Variants in PRKCZ observed in about 807,000 individuals in gnomAD.
PRKCZ encodes the protein protein kinase C zeta type.
Under a neutral mutation model 79.5 loss-of-function variants are expected in PRKCZ, and 33 were observed. The ratio of observed to expected loss-of-function variants is 0.41; its 90% confidence interval spans 0.31 to 0.55. PRKCZ has a LOEUF of 0.55. PRKCZ is among the 20% of genes least tolerant of loss of function. PRKCZ has a pLI of 0.19. For synonymous variants in PRKCZ, 342 were observed against 320.9 expected, an observed-to-expected ratio of 1.07 and a Z score of -0.70; for missense variants, 578 against 813.5, an observed-to-expected ratio of 0.71 and a Z score of 3.52.
At chr1:2,182,762 CA>C (rs1202532925) in intron 16 of PRKCZ, 6 of 154,498 alleles carry the variant, frequency 3.9e-5, no homozygotes, top group Non-Finnish European at 8.8e-5. Flanking sequence ...AGCTGGATTT[CA>C]GTGTTGGTAC....
chr1:2,050,690 G>A lies in PRKCZ; in HGVS notation c.60G>A (p.Ala20=). The change falls in exon 1 of 18, where the codon GCG becomes GCA. Residue 20 remains alanine, a synonymous_variant. Transcript: ENST00000378567. ...GCGGCGGCCGCGTCCGCCTCAAGGC[G>A]CATTACGGGGGGTGAGCGGCGGAGA... ...EGSGGRVRLK[A]HYGGDIFITS... is the part of the protein sequence containing the mutation. 1 of 1,226,232 alleles carries A rather than the reference G, an allele frequency of 8.2e-7. No homozygotes were observed. The highest frequency in any genetic ancestry group is 3.2e-5 in the East Asian group (1 of 31,512). The allele number at this position is 1,226,232 out of a possible 1,614,324, so 76.0% of individuals were successfully genotyped here. A position where few individuals can be genotyped will look rare whatever the true frequency, so the allele number is the denominator to read the frequency against.
intron 7 of PRKCZ, among the ~76,000 whole-genome samples, chr1:2,148,037 A>G (rs431995): frequency 8.3e-4 from 124 of 149,536 alleles, no homozygotes; most frequent in African/African-American, 2.8e-3. Context: ...CTCTCCATCT[A>G]TCCATCCACT....
At position 2,168,449 on chromosome 1, in the gene PRKCZ, C is replaced by G. The variant is rs1409678618; in HGVS notation, c.975-1069C>G. Among the ~76,000 whole-genome samples, 1 of 152,212 alleles carries G rather than the reference C, an allele frequency of 6.6e-6. No individual in the cohort carries two copies. The highest frequency in any genetic ancestry group is 2.4e-5 in the African/African-American group (1 of 41,434). On this transcript the variant is annotated intron_variant, in intron 10 of 17. Transcript: ENST00000378567. This position sits in a 1 kb window ranked among gnomAD's most constrained non-coding sequence, Gnocchi z 4.7. ...CTTATTCTTCAGGGTGCCCGACTGG[C>G]CACGTGGACGTCTCTCCAGCTCCTC... is the stretch of plus-strand genomic sequence containing the variant.
intron 5 of PRKCZ, chr1:2,143,854 G>A: frequency 4.8e-6 from 1 of 208,840 alleles, no homozygotes; most frequent in Non-Finnish European, 9.9e-6. Context: ...ACCCCAGGCT[G>A]CTCTACGCAG....
At chr1:2,181,489 G>A (rs547723625) in intron 16 of PRKCZ, among the ~76,000 whole-genome samples, 3 of 152,318 alleles carry the variant, frequency 2.0e-5, no homozygotes, top group East Asian at 1.9e-4. Context: ...AGGCCAGGAC[G>A]TCCATGGGTT....
rs1194578567 is a variant in PRKCZ, at chr1:2,178,177, C to G, written c.1575+2864C>G. 6.6e-6 allele frequency among the ~76,000 whole-genome samples: 1 copy of G among 152,206 alleles called. No homozygotes were observed. The highest frequency in any genetic ancestry group is 6.5e-5 in the Admixed American group (1 of 15,284). On this transcript the variant is annotated intron_variant, in intron 16 of 17. Transcript: ENST00000378567. The surrounding 1 kb of genome is among the most constrained non-coding windows in gnomAD (Gnocchi z 4.3). ...TCGCGATCACTTTCATCACCCTGTACCCAGAGAAGACCCGAACCCACTCCA... is the reference window on the plus strand; with the variant it reads ...TCGCGATCACTTTCATCACCCTGTAGCCAGAGAAGACCCGAACCCACTCCA...
intron 4 of PRKCZ, among the ~76,000 whole-genome samples, chr1:2,069,442 A>T (rs1366219699): frequency 6.6e-6 from 1 of 152,174 alleles, no homozygotes; most frequent in Non-Finnish European, 1.5e-5. Flanking sequence ...CGTTGCCATT[A>T]CCTTGAGCAA....
chr1:2,173,960 C>T lies in PRKCZ; in HGVS notation c.1349C>T (p.Pro450Leu). 1 of 1,612,750 alleles carries T rather than the reference C, an allele frequency of 6.2e-7. No homozygotes were observed. Among genetic ancestry groups the T allele is most frequent in the Non-Finnish European group, 8.5e-7 (1 of 1,179,462 alleles). ...LMFEMMAGRS[P>L]FDIITDNPDM... ...TTTGAGATGATGGCCGGGCGCTCCC[C>T]GTTCGACATCATCACCGACAACCCG... Residue 450 changes from proline (P) to leucine (L), a missense_variant, in exon 14 of 18, where the codon CCG becomes CTG. Around this residue, in one of 4 missense-constraint regions of PRKCZ, gnomAD observed 243 missense variants for 467.0 expected, o/e 0.52. Transcript: ENST00000378567. The surrounding 1 kb of genome is among the most constrained non-coding windows in gnomAD (Gnocchi z 5.7).
chr1:2,163,315 A>G (rs527543480), intron 10 of PRKCZ, among the ~76,000 whole-genome samples: 287 of 152,330 alleles, frequency 1.9e-3, no homozygotes, highest in African/African-American at 6.6e-3. Context: ...GCAGCCGTGG[A>G]ACTGGGTTCT....
intron 5 of PRKCZ, among the ~76,000 whole-genome samples, chr1:2,140,329 G>C (rs1677060592): frequency 6.6e-6 from 1 of 152,174 alleles, no homozygotes; most frequent in African/African-American, 2.4e-5. Context: ...GGGTGTGACA[G>C]GTCTAAAACA....
chr1:2,174,143 C>T lies in PRKCZ; in HGVS notation c.1405+127C>T. On this transcript the variant is annotated intron_variant, in intron 14 of 17. Transcript: ENST00000378567. The surrounding 1 kb of genome is among the most constrained non-coding windows in gnomAD (Gnocchi z 6.2). ...GTGCCATGCAAAGCGTACCGGGAAC[C>T]ATTCCTCCTGGCCAGACCCTGTGTC... 2.4e-6 allele frequency: 3 copies of T among 1,272,354 alleles called. No homozygotes were observed. Among genetic ancestry groups the T allele is most frequent in the Non-Finnish European group, 3.1e-6 (3 of 956,720 alleles). 78.8% of individuals were successfully genotyped at this position (1,272,354 alleles called of 1,614,324 possible). A position where few individuals can be genotyped will look rare whatever the true frequency, so the allele number is the denominator to read the frequency against.
At chr1:2,135,371 T>G in intron 5 of PRKCZ, 24 bp downstream of exon 5, 2 of 1,576,040 alleles carry the variant, frequency 1.3e-6, no homozygotes, top group Non-Finnish European at 1.7e-6. Flanking sequence ...TTGGGACTAG[T>G]CCCTCAAGGG....
intron 1 of PRKCZ, among the ~76,000 whole-genome samples, chr1:2,054,830 C>A (rs1027608926): frequency 1.3e-5 from 2 of 152,102 alleles, no homozygotes; most frequent in Non-Finnish European, 1.5e-5. Context: ...GACCAGGTAA[C>A]GTTGCCGGAC....
chr1:2,180,840 G>T (rs1314691786), intron 16 of PRKCZ, among the ~76,000 whole-genome samples: 1 of 152,098 alleles, frequency 6.6e-6, no homozygotes, highest in Non-Finnish European at 1.5e-5. Context: ...CCTGCATCCG[G>T]TGGCAGGGCT....
rs1312847339 is a variant in PRKCZ at position 2,128,553 on chromosome 1, G to T, written c.335-6709G>T. Among the ~76,000 whole-genome samples the T allele has an allele frequency of 6.6e-6, 1 of 152,180 alleles. No individual in the cohort carries two copies. The highest frequency in any genetic ancestry group is 1.9e-4 in the East Asian group (1 of 5,196). ...CCTAATTATAGAATCTCAAAGACAC[G>T]CACAGAGCTCCTTGAGGTTGTCGGA... On this transcript the variant is annotated intron_variant, in intron 4 of 17. Transcript: ENST00000378567. This position sits in a 1 kb window ranked among gnomAD's most constrained non-coding sequence, Gnocchi z 6.5.
rs868627327 is a variant in PRKCZ at position 2,121,704 on chromosome 1, A to T, written c.335-13558A>T. On this transcript the variant is annotated intron_variant, in intron 4 of 17. Transcript: ENST00000378567. ...TAGGGTCACGGTGGTGGTTAGGGTCACGGTGGTAGTTAGGGTCACGGCGGT... is the reference window on the plus strand; with the variant it reads ...TAGGGTCACGGTGGTGGTTAGGGTCTCGGTGGTAGTTAGGGTCACGGCGGT... 1.4e-3 allele frequency among the ~76,000 whole-genome samples: 32 copies of T among 23,652 alleles called. 1 individual carries two copies. Among genetic ancestry groups the T allele is most frequent in the African/African-American group, 2.8e-3 (30 of 10,756 alleles). The allele number at this position is 23,652 out of a possible 152,430, so 15.5% of individuals were successfully genotyped here.
At chr1:2,139,748 A>G (rs916304391) in intron 5 of PRKCZ, among the ~76,000 whole-genome samples, 1 of 152,222 alleles carries the variant, frequency 6.6e-6, no homozygotes, top group African/African-American at 2.4e-5. Flanking sequence ...GCCTCTCTTC[A>G]AAAGAAATCA....
At chr1:2,090,454 A>T (rs1665293543) in intron 4 of PRKCZ, among the ~76,000 whole-genome samples, 1 of 152,008 alleles carries the variant, frequency 6.6e-6, no homozygotes, top group Non-Finnish European at 1.5e-5. Context: ...TCCCCACAGG[A>T]TGGTGCTGGC....
At position 2,156,067 on chromosome 1, in the gene PRKCZ, C is replaced by T. The variant is rs748837545; in HGVS notation, c.949C>T (p.His317Tyr). 5.6e-6 allele frequency: 9 copies of T among 1,613,594 alleles called. No individual in the cohort carries two copies. In the South Asian group the frequency reaches 6.6e-5, roughly 12 times the overall value. ...ASSNPFLVGL[H>Y]SCFQTTSRLF... is the part of the protein sequence containing the mutation. ...CAGCAACCCCTTCCTGGTCGGATTA[C>T]ACTCCTGCTTCCAGACGACAAGTCG... The change falls in exon 10 of 18, where the codon CAC becomes TAC. Residue 317 changes from histidine to tyrosine, a missense_variant. By Grantham distance (83) the His-to-Tyr change is moderately conservative. Around this residue, in one of 4 missense-constraint regions of PRKCZ, gnomAD observed 243 missense variants for 467.0 expected, o/e 0.52. Transcript: ENST00000378567.
Sources: gnomAD v4.1 joint callset for allele counts (sites outside exome capture counted in the v4.1 genomes callset) on GRCh38, gnomAD v4.1.1 for gene constraint, gnomAD v4.1.1 regional missense constraint, Gnocchi (gnomAD v3.1) non-coding constraint, MANE v1.5 for transcripts, NCBI Gene and HGNC (gene_info 2026-07-23, HGNC 2026-07-21) for gene names.